The following RXFP1 variants were observed in gnomAD, a reference collection of about 807,000 sequenced individuals.
RXFP1 encodes the protein relaxin family peptide receptor 1.
RXFP1 carries 73 observed loss-of-function variants against 89.8 expected under a neutral mutation model. The observed-to-expected ratio is 0.81, with a 90% CI of 0.67 to 0.99. The LOEUF (loss-of-function observed/expected upper bound fraction) is 0.99, where lower values mean the gene tolerates loss of function less well. Ranked by LOEUF, RXFP1 falls within the 50% of genes least tolerant of loss-of-function variation. RXFP1 has a pLI of 0.00. For synonymous variants in RXFP1, 277 were observed against 305.5 expected, an observed-to-expected ratio of 0.91 and a Z score of 0.97; for missense variants, 793 against 895.5, an observed-to-expected ratio of 0.89 and a Z score of 1.46.
chr4:158,550,254 G>A (rs942119773), intron 1 of RXFP1, among the ~76,000 whole-genome samples: 1 of 152,240 alleles, frequency 6.6e-6, no homozygotes, highest in African/African-American at 2.4e-5. Flanking sequence ...TCCGAGCCAT[G>A]TGTGGGATAT....
intron 16 of RXFP1, among the ~76,000 whole-genome samples, chr4:158,647,533 G>A (rs1771802267): frequency 6.6e-6 from 1 of 152,142 alleles, no homozygotes; most frequent in Non-Finnish European, 1.5e-5. Flanking sequence ...AATCAGCAAT[G>A]TAAAAATATT....
intron 4 of RXFP1, among the ~76,000 whole-genome samples, chr4:158,602,620 A>T (rs2150101480): frequency 6.6e-6 from 1 of 152,316 alleles, no homozygotes; most frequent in East Asian, 1.9e-4. Context: ...TGAAGTTATT[A>T]TTCAAAGAAA....
chr4:158,601,121 T>C (rs1761604563), intron 4 of RXFP1, among the ~76,000 whole-genome samples: 1 of 151,878 alleles, frequency 6.6e-6, no homozygotes, highest in African/African-American at 2.4e-5. Context: ...TTAATTCCCA[T>C]TCAATTTTAA....
intron 4 of RXFP1, among the ~76,000 whole-genome samples, chr4:158,602,816 C>T (rs767940002): frequency 1.3e-5 from 2 of 152,112 alleles, no homozygotes; most frequent in Non-Finnish European, 2.9e-5. Context: ...CGCAGTGGCG[C>T]GATCTTGGCT....
intron 2 of RXFP1, among the ~76,000 whole-genome samples, chr4:158,576,182 C>T (rs1040194729): frequency 2.0e-5 from 3 of 152,194 alleles, no homozygotes; most frequent in Non-Finnish European, 2.9e-5. Flanking sequence ...AATCACATAA[C>T]TTTCTTGAAA....
intron 2 of RXFP1, among the ~76,000 whole-genome samples, chr4:158,579,426 C>A (rs1194905727): frequency 1.3e-5 from 2 of 152,170 alleles, no homozygotes; most frequent in Non-Finnish European, 2.9e-5. Flanking sequence ...TGCCACCACC[C>A]CCAGCTAATT....
intron 3 of RXFP1, among the ~76,000 whole-genome samples, chr4:158,597,723 T>C (rs1760910975): frequency 6.6e-6 from 1 of 152,146 alleles, no homozygotes; most frequent in Non-Finnish European, 1.5e-5. Context: ...AAAAACACAC[T>C]GGGATTAACG....
intron 15 of RXFP1, chr4:158,646,162 A>C (rs902952955): frequency 3.4e-6 from 1 of 291,568 alleles, no homozygotes; most frequent in African/African-American, 2.3e-5. Flanking sequence ...GGAGACCCTA[A>C]AAAGAGACAG....
At chr4:158,571,722 T>A (rs562991872) in intron 1 of RXFP1, among the ~76,000 whole-genome samples, 1 of 138,230 alleles carries the variant, frequency 7.2e-6, no homozygotes, top group East Asian at 2.2e-4. Context: ...GAATTTTCCT[T>A]TAATAAAAAG....
intron 9 of RXFP1, among the ~76,000 whole-genome samples, chr4:158,620,110 G>A (rs1765333680): frequency 6.6e-6 from 1 of 152,174 alleles, no homozygotes; most frequent in Non-Finnish European, 1.5e-5. Context: ...TGGAAAGATG[G>A]ATAATATGCA....
At chr4:158,570,066 T>G (rs778621708) in intron 1 of RXFP1, among the ~76,000 whole-genome samples, 2 of 152,208 alleles carry the variant, frequency 1.3e-5, no homozygotes, top group Non-Finnish European at 2.9e-5. Context: ...GCTTGGACAC[T>G]CAAACATTCT....
intron 1 of RXFP1, among the ~76,000 whole-genome samples, chr4:158,571,633 G>T (rs1471266289): frequency 6.6e-6 from 1 of 152,040 alleles, no homozygotes; most frequent in Admixed American, 6.5e-5. Context: ...TGGCACTCCA[G>T]CCTGGGCGAC....
At chr4:158,604,316 C>T (rs1762202611) in intron 4 of RXFP1, among the ~76,000 whole-genome samples, 1 of 152,212 alleles carries the variant, frequency 6.6e-6, no homozygotes, top group Admixed American at 6.5e-5. Flanking sequence ...ATCCAAATCC[C>T]TCCTTTCACT....
chr4:158,540,623 T>A (rs1484183175), intron 1 of RXFP1, among the ~76,000 whole-genome samples: 1 of 149,672 alleles, frequency 6.7e-6, no homozygotes, highest in Non-Finnish European at 1.5e-5. Context: ...GCCTACTAGA[T>A]CTCCACCTTA....
In RXFP1 at chr4:158,590,551, G is replaced by A. The variant is rs913522606; in HGVS notation, c.188-2850G>A. On this transcript the variant is annotated intron_variant, in intron 2 of 17. Transcript: ENST00000307765. ...CTCATTCTCATTCTAATGATTTATC[G>A]TAGCAAGAACTTTGCCAGAGTCTAG... Among the ~76,000 whole-genome samples, 7 of 151,984 alleles carry A rather than the reference G, an allele frequency of 4.6e-5. No individual in the cohort carries two copies. In the South Asian group the frequency reaches 8.3e-4, roughly 18 times the overall value.
At chr4:158,609,379 G>A (rs1241801133) in intron 6 of RXFP1, among the ~76,000 whole-genome samples, 2 of 152,096 alleles carry the variant, frequency 1.3e-5, no homozygotes, top group East Asian at 3.9e-4. Flanking sequence ...ATCCTAATGG[G>A]TGTGAATGGT....
intron 1 of RXFP1, among the ~76,000 whole-genome samples, chr4:158,550,923 C>A (rs1424787079): frequency 6.6e-6 from 1 of 151,728 alleles, no homozygotes; most frequent in Non-Finnish European, 1.5e-5. Flanking sequence ...TAAAGTGAAA[C>A]AAGGCATGCA....
At chr4:158,561,701 G>C (rs966818592) in intron 1 of RXFP1, among the ~76,000 whole-genome samples, 15 of 136,634 alleles carry the variant, frequency 1.1e-4, no homozygotes, top group African/African-American at 4.0e-4. Flanking sequence ...GATCTCGTCT[G>C]ACTGCAACCT....
At chr4:158,644,041 C>CTTTT (rs70962619) in intron 14 of RXFP1, among the ~76,000 whole-genome samples, 13 of 78,306 alleles carry the variant, frequency 1.7e-4, no homozygotes, top group African/African-American at 4.7e-4. Context: ...TCTATGTCTT[C>CTTTT]TTTTTTTTTT....
Sources: allele counts gnomAD v4.1 joint callset (sites outside exome capture counted in the v4.1 genomes callset), GRCh38; gene constraint gnomAD v4.1.1; transcripts MANE v1.5; gene names NCBI Gene and HGNC (gene_info 2026-07-23, HGNC 2026-07-21).